The following ANKRD17 variants were observed in gnomAD, a reference collection of about 807,000 sequenced individuals.
The protein encoded by ANKRD17 is ankyrin repeat domain 17, also known as ankyrin repeat domain-containing protein 17.
A neutral mutation model predicts 229.7 loss-of-function variants in ANKRD17; 19 were observed. The ratio of observed to expected loss-of-function variants is 0.08; its 90% CI spans 0.06 to 0.12. ANKRD17 has a LOEUF of 0.12. Ranked by LOEUF, ANKRD17 falls within the 10% of genes least tolerant of loss-of-function variation. The probability of loss-of-function intolerance (pLI) is 1.00; values close to 1 mark genes in which losing one functional copy is unlikely to be tolerated. For synonymous variants in ANKRD17, 1,112 were observed against 1,146.1 expected (o/e 0.97, Z 0.60); for missense variants, 2,176 against 3,176.8 (o/e 0.68, Z 7.57).
At chr4:73,170,926 T>C (rs1733907261) in intron 2 of ANKRD17, among the ~76,000 whole-genome samples, 1 of 152,006 alleles carries the variant, frequency 6.6e-6, no homozygotes, top group African/African-American at 2.4e-5. Context: ...CATCTATGAA[T>C]CAGCTCAGGG....
At chr4:73,232,166 G>A (rs936454287) in intron 1 of ANKRD17, among the ~76,000 whole-genome samples, 18 of 152,174 alleles carry the variant, frequency 1.2e-4, no homozygotes, top group Non-Finnish European at 1.6e-4. Flanking sequence ...AGATGAGAGG[G>A]CTAAGTATAT....
At chr4:73,193,677 A>G (rs1737438838) in intron 1 of ANKRD17, among the ~76,000 whole-genome samples, 1 of 152,130 alleles carries the variant, frequency 6.6e-6, no homozygotes, top group Non-Finnish European at 1.5e-5. Context: ...TCACATCTGC[A>G]ATTGGAGCAC....
intron 24 of ANKRD17, among the ~76,000 whole-genome samples, chr4:73,110,419 C>T (rs1277024579): frequency 6.6e-6 from 1 of 152,218 alleles, no homozygotes; most frequent in Non-Finnish European, 1.5e-5. Context: ...TTCCTGGGCT[C>T]AGCCTCCCGA....
At chr4:73,146,248 T>C (rs1374428906) in intron 10 of ANKRD17, among the ~76,000 whole-genome samples, 1 of 152,192 alleles carries the variant, frequency 6.6e-6, no homozygotes, top group Non-Finnish European at 1.5e-5. Context: ...TGATCTTCTT[T>C]ACTCTGCATT....
At chr4:73,131,984 A>T (rs1442469851) in intron 16 of ANKRD17, among the ~76,000 whole-genome samples, 2 of 152,158 alleles carry the variant, frequency 1.3e-5, no homozygotes, top group Non-Finnish European at 2.9e-5. Context: ...AGTACCCACT[A>T]TGTAAGAGCC....
At chr4:73,206,781 G>A (rs1739521074) in intron 1 of ANKRD17, among the ~76,000 whole-genome samples, 1 of 152,152 alleles carries the variant, frequency 6.6e-6, no homozygotes, top group Non-Finnish European at 1.5e-5. Flanking sequence ...GGTAACTAGA[G>A]TTAATAACAA....
In ANKRD17 at chr4:73,079,020, T is replaced by C. The variant is rs560891735; in HGVS notation, c.7160-130A>G. The C allele has an allele frequency of 2.1e-4, 237 of 1,106,366 alleles. 5 individuals carry two copies. In the South Asian group the frequency reaches 4.1e-3, roughly 19 times the overall value. 68.5% of individuals were successfully genotyped at this position (1,106,366 alleles called of 1,614,324 possible). A position where few individuals can be genotyped will look rare whatever the true frequency, so the allele number is the denominator to read the frequency against. ...GAAAAACAAAGTGTAAAAATAATAC[T>C]TAAAAATGATGCATATTAAAATTTG... On this transcript the variant is annotated intron_variant, in intron 30 of 33. Transcript: ENST00000358602.
chr4:73,244,177 T>C (rs370584169), intron 1 of ANKRD17, among the ~76,000 whole-genome samples: 11 of 152,310 alleles, frequency 7.2e-5, no homozygotes, highest in African/African-American at 1.7e-4. Context: ...TATGACCTGA[T>C]TGAACCTTAA....
intron 12 of ANKRD17, 119 bp from the exon 13 acceptor site, chr4:73,142,504 G>C: frequency 1.9e-6 from 3 of 1,574,062 alleles, no homozygotes; most frequent in East Asian, 2.2e-5. Flanking sequence ...GTTTGGTAAA[G>C]AACGCTTCAA....
At chr4:73,084,153 G>A (rs559445943) in intron 30 of ANKRD17, among the ~76,000 whole-genome samples, 1 of 152,170 alleles carries the variant, frequency 6.6e-6, no homozygotes, top group East Asian at 1.9e-4. Flanking sequence ...AAGCCGAGGT[G>A]GGCAGATCAT....
At chr4:73,143,168 T>G (rs1729816506) in intron 11 of ANKRD17, among the ~76,000 whole-genome samples, 1 of 152,236 alleles carries the variant, frequency 6.6e-6, no homozygotes, top group African/African-American at 2.4e-5. Flanking sequence ...CTCTATGGGC[T>G]TTATGTAGAG....
chr4:73,142,008 G>A (rs1014416601), intron 13 of ANKRD17, among the ~76,000 whole-genome samples, 165 bp from the exon 14 acceptor site: 3 of 151,996 alleles, frequency 2.0e-5, no homozygotes, highest in African/African-American at 4.8e-5. Flanking sequence ...TGTTTACCAC[G>A]ACATTTTTTA....
At chr4:73,167,979 C>T (rs750245156) in intron 2 of ANKRD17, among the ~76,000 whole-genome samples, 2 of 151,970 alleles carry the variant, frequency 1.3e-5, no homozygotes, top group African/African-American at 2.4e-5. Context: ...AGCGAAACCC[C>T]GTCTGTACTA....
chr4:73,220,399 C>T (rs1405286986), intron 1 of ANKRD17, among the ~76,000 whole-genome samples: 3 of 152,120 alleles, frequency 2.0e-5, no homozygotes, highest in African/African-American at 7.2e-5. Context: ...AGCCAAGACA[C>T]TCTATTTAAT....
At chr4:73,151,371 C>T (rs1157307436) in intron 7 of ANKRD17, 59 bp downstream of exon 7, 31 of 1,497,240 alleles carry the variant, frequency 2.1e-5, no homozygotes, top group Non-Finnish European at 2.8e-5. Flanking sequence ...TCATTGTATA[C>T]TACTCTGTCT....
intron 29 of ANKRD17, among the ~76,000 whole-genome samples, chr4:73,089,828 T>C (rs926638830): frequency 2.0e-5 from 3 of 152,188 alleles, no homozygotes; most frequent in Non-Finnish European, 4.4e-5. Flanking sequence ...CTGTCCAATA[T>C]GGTAGCTACC....
At chr4:73,183,130 A>G (rs1328562936) in intron 1 of ANKRD17, among the ~76,000 whole-genome samples, 1 of 152,212 alleles carries the variant, frequency 6.6e-6, no homozygotes, top group Non-Finnish European at 1.5e-5. Context: ...TCTTTTTTGA[A>G]TAGAGTAAGA....
intron 1 of ANKRD17, among the ~76,000 whole-genome samples, chr4:73,183,380 A>T (rs1735840798): frequency 1.3e-5 from 2 of 152,226 alleles, no homozygotes. Flanking sequence ...TCAAATACTT[A>T]AAGAAAACAA....
Position 73,121,100 on chromosome 4 carries a change from G to A in ANKRD17, c.3636-6C>T. On this transcript the variant is annotated splice_region_variant and splice_polypyrimidine_tract_variant and intron_variant, in intron 19 of 33. Coordinates refer to ENST00000358602, the MANE Select transcript of ANKRD17 (RefSeq NM_032217.5). Reference sequence around the variant, plus strand: ...TGCCCAATTTGCTACCAGTTCTAGGGGTGCAGGTATGGGGAAAACAAATGG... The same window carrying A: ...TGCCCAATTTGCTACCAGTTCTAGGAGTGCAGGTATGGGGAAAACAAATGG... The A allele has an allele frequency of 1.2e-6, 2 of 1,612,004 alleles. No homozygotes were observed. The highest frequency in any genetic ancestry group is 1.7e-6 in the Non-Finnish European group (2 of 1,178,354).
Sources: gnomAD v4.1 joint callset for allele counts (sites outside exome capture counted in the v4.1 genomes callset) on GRCh38, gnomAD v4.1.1 for gene constraint, MANE v1.5 for transcripts, NCBI Gene and HGNC (gene_info 2026-07-23, HGNC 2026-07-21) for gene names.